Variants in WDR72 observed in about 807,000 individuals in gnomAD.
The protein encoded by WDR72 is WD repeat domain 72, also known as WD repeat-containing protein 72.
A neutral mutation model predicts 124.2 loss-of-function variants in WDR72; 120 were observed. The observed-to-expected ratio is 0.97, with a 90% CI of 0.83 to 1.12. The LOEUF is 1.12. Ranked by LOEUF, WDR72 falls within the 50% of genes most tolerant of loss-of-function variation. The pLI is 0.00. For missense variants in WDR72, 1,387 were observed against 1,278.8 expected, an observed-to-expected ratio of 1.08 and a Z score of -1.29; for synonymous variants, 452 against 441.7, an observed-to-expected ratio of 1.02 and a Z score of -0.29.
At chr15:53,743,973 CAAA>C (rs11295149) in intron 1 of WDR72, among the ~76,000 whole-genome samples, 4 of 128,702 alleles carry the variant, frequency 3.1e-5, no homozygotes, top group Non-Finnish European at 3.4e-5. Context: ...AGACTCGTCT[CAAA>C]AAAAAAAAAA....
intron 18 of WDR72, among the ~76,000 whole-genome samples, chr15:53,535,062 G>A (rs1892689957): frequency 6.6e-6 from 1 of 151,884 alleles, no homozygotes; most frequent in Non-Finnish European, 1.5e-5. Flanking sequence ...GAAATAAAGA[G>A]GATTTGTCAT....
chr15:53,589,717 C>T (rs1412409685), intron 18 of WDR72, among the ~76,000 whole-genome samples: 2 of 152,030 alleles, frequency 1.3e-5, no homozygotes, highest in South Asian at 2.1e-4. Flanking sequence ...CTCGATCAGA[C>T]CATCTCTGGG....
At chr15:53,526,894 A>C (rs1892149740) in intron 18 of WDR72, among the ~76,000 whole-genome samples, 1 of 152,080 alleles carries the variant, frequency 6.6e-6, no homozygotes, top group South Asian at 2.1e-4. Context: ...TCTTCTTGAC[A>C]GTTCTGCCAC....
intron 9 of WDR72, 85 bp downstream of exon 9, chr15:53,710,772 G>T: frequency 1.7e-6 from 2 of 1,146,000 alleles, no homozygotes; most frequent in Non-Finnish European, 1.3e-6. Context: ...ATTTTTTCAA[G>T]CCTGATTCTG....
intron 1 of WDR72, 87 bp from the exon 2 acceptor site, chr15:53,733,248 A>T (rs140307974): frequency 1.1e-5 from 15 of 1,420,318 alleles, no homozygotes; most frequent in Admixed American, 1.8e-5. Context: ...ATTTATGATG[A>T]CCAAACTTCA....
rs565133492 is a variant in WDR72 at position 53,719,459 on chromosome 15, G to C, written c.261-2774C>G. Among the ~76,000 whole-genome samples the C allele has an allele frequency of 1.1e-4, 17 of 152,196 alleles. No individual in the cohort carries two copies. The South Asian group carries it at 3.5e-3, about 32-fold the overall frequency. Reference sequence around the variant, plus strand: ...TGGAAGCCCAGAGCGGTTTACTTCAGCTCTATATTTCTATAGGCAACTAGC... The same window carrying C: ...TGGAAGCCCAGAGCGGTTTACTTCACCTCTATATTTCTATAGGCAACTAGC... On this transcript the variant is annotated intron_variant, in intron 3 of 19. Coordinates refer to ENST00000360509, the MANE Select transcript of WDR72 (RefSeq NM_182758.4).
At chr15:53,589,458 A>AT (rs1436856582) in intron 18 of WDR72, among the ~76,000 whole-genome samples, 1 of 152,056 alleles carries the variant, frequency 6.6e-6, no homozygotes, top group East Asian at 1.9e-4. Flanking sequence ...ATAAACACTT[A>AT]TTAACAGCTT....
chr15:53,746,486 C>T (rs2018646700), intron 1 of WDR72, among the ~76,000 whole-genome samples: 1 of 152,134 alleles, frequency 6.6e-6, no homozygotes, highest in African/African-American at 2.4e-5. Context: ...CCAGAATAAA[C>T]ACTAAGAGGA....
At chr15:53,550,391 C>G (rs982516022) in intron 18 of WDR72, among the ~76,000 whole-genome samples, 16 of 152,138 alleles carry the variant, frequency 1.1e-4, no homozygotes, top group African/African-American at 3.9e-4. Context: ...TTGCAGACCT[C>G]TCGTCTTGAC....
At position 53,627,512 on chromosome 15, in the gene WDR72, T is replaced by C. The variant is rs76058132; in HGVS notation, c.1963-11269A>G. ...ACAGTGATAGCAGAACTCTGAGTCA[T>C]AACCAATGCCATTGACAAAAAACGA... On this transcript the variant is annotated intron_variant, in intron 14 of 19. Transcript: ENST00000360509. Among the ~76,000 whole-genome samples, 1,469 of 152,316 alleles carry C rather than the reference T, an allele frequency of 9.6e-3. 32 individuals carry two copies. Among genetic ancestry groups the C allele is most frequent in the African/African-American group, 0.034 (1,417 of 41,566 alleles).
At chr15:53,635,541 A>C (rs558284426) in intron 14 of WDR72, among the ~76,000 whole-genome samples, 6 of 152,312 alleles carry the variant, frequency 3.9e-5, no homozygotes, top group East Asian at 3.9e-4. Flanking sequence ...GGAGTTTCAA[A>C]TGCTGCTGTT....
chr15:53,672,872 G>A (rs1473614770), intron 13 of WDR72, among the ~76,000 whole-genome samples: 1 of 152,142 alleles, frequency 6.6e-6, no homozygotes, highest in Non-Finnish European at 1.5e-5. Flanking sequence ...GCTCACTCCT[G>A]TAATCCCAGC....
intron 15 of WDR72, among the ~76,000 whole-genome samples, chr15:53,615,216 TA>T (rs1453843226): frequency 6.6e-6 from 1 of 152,046 alleles, no homozygotes; most frequent in Non-Finnish European, 1.5e-5. Context: ...TAATGAATTT[TA>T]AATCATATAG....
intron 1 of WDR72, among the ~76,000 whole-genome samples, chr15:53,750,862 C>T (rs1403745818): frequency 6.6e-6 from 1 of 152,156 alleles, no homozygotes; most frequent in Non-Finnish European, 1.5e-5. Context: ...TGAATTGCTA[C>T]AAGCTCTTGA....
intron 18 of WDR72, among the ~76,000 whole-genome samples, chr15:53,551,574 A>G (rs1305874626): frequency 6.6e-6 from 1 of 152,178 alleles, no homozygotes; most frequent in Non-Finnish European, 1.5e-5. Context: ...GGAGACATTT[A>G]TCACCATGAA....
chr15:53,611,615 A>C (rs1906398), intron 16 of WDR72, among the ~76,000 whole-genome samples: 21,564 of 151,998 alleles, frequency 0.14, 2,417 homozygotes, highest in African/African-American at 0.31. Context: ...TGTAATCATA[A>C]ATGTGAGAAG....
At chr15:53,740,679 G>T (rs1429744098) in intron 1 of WDR72, among the ~76,000 whole-genome samples, 1 of 152,160 alleles carries the variant, frequency 6.6e-6, no homozygotes, top group East Asian at 1.9e-4. Flanking sequence ...AATGCCTGAA[G>T]AACAGTGCTT....
intron 3 of WDR72, among the ~76,000 whole-genome samples, chr15:53,718,855 C>CATT (rs2017792683): frequency 1.5e-5 from 2 of 137,830 alleles, no homozygotes; most frequent in African/African-American, 7.0e-5. Context: ...TTTTTAAAAG[C>CATT]TTAAAAATTC....
intron 13 of WDR72, among the ~76,000 whole-genome samples, chr15:53,683,537 T>C (rs2016477032): frequency 6.6e-6 from 1 of 152,166 alleles, no homozygotes; most frequent in Non-Finnish European, 1.5e-5. Flanking sequence ...CTTTCATTTT[T>C]ATACTAACTG....
Sources: gnomAD v4.1 joint callset for allele counts (sites outside exome capture counted in the v4.1 genomes callset) on GRCh38, gnomAD v4.1.1 for gene constraint, MANE v1.5 for transcripts, NCBI Gene and HGNC (gene_info 2026-07-23, HGNC 2026-07-21) for gene names.